Variants in MEGF8 observed in about 807,000 individuals in gnomAD.
The protein encoded by MEGF8 is multiple epidermal growth factor-like domains protein 8.
A neutral mutation model predicts 302.9 loss-of-function variants in MEGF8; 156 were observed. That is an observed-to-expected ratio of 0.52 (90% CI 0.45 to 0.59). The LOEUF is 0.59. Ranked by LOEUF, MEGF8 falls within the 20% of genes least tolerant of loss-of-function variation. The probability of loss-of-function intolerance (pLI) is 0.00; values close to 1 mark genes in which losing one functional copy is unlikely to be tolerated. For missense variants in MEGF8, 3,345 were observed against 3,964.5 expected, an observed-to-expected ratio of 0.84 and a Z score of 4.20; for synonymous variants, 1,621 against 1,660.5, an observed-to-expected ratio of 0.98 and a Z score of 0.58.
At position 42,351,935 on chromosome 19, in the gene MEGF8, T is replaced by G. The variant is rs1175033840; in HGVS notation, c.3101+174T>G. Among the ~76,000 whole-genome samples, 1 of 152,200 alleles carries G rather than the reference T, an allele frequency of 6.6e-6. No individual in the cohort carries two copies. The highest frequency in any genetic ancestry group is 2.4e-5 in the African/African-American group (1 of 41,454). ...CCCTCCCGCTCTTTTTTCTCCATTT[T>G]TCCTCCTTTTCCGGCTCTCTGCGAT... On this transcript the variant is annotated intron_variant, in intron 18 of 41. Transcript: ENST00000251268. This position sits in a 1 kb window ranked among gnomAD's most constrained non-coding sequence, Gnocchi z 5.6.
chr19:42,348,296 A>G lies in MEGF8; in HGVS notation c.2122A>G (p.Ile708Val). ...DKVSIVRSTTITLTPSAETDV... is the reference protein window; with the variant it reads ...DKVSIVRSTTVTLTPSAETDV... ...GGTCTCAATTGTCCGCAGCACGACC[A>G]TCACCCTAACACCCAGCGCAGAGAC... is the stretch of plus-strand genomic sequence containing the variant. The change falls in exon 13 of 42, where the codon ATC becomes GTC. Residue 708 changes from isoleucine to valine, a missense_variant. Coordinates refer to ENST00000251268, the MANE Select transcript of MEGF8 (RefSeq NM_001271938.2). 5 of 1,537,534 alleles carry G rather than the reference A, an allele frequency of 3.3e-6. No homozygotes were observed. The highest frequency in any genetic ancestry group is 4.9e-5 in the East Asian group (2 of 40,924).
intron 1 of MEGF8, among the ~76,000 whole-genome samples, chr19:42,326,994 T>C (rs1468997990): frequency 6.6e-6 from 1 of 152,134 alleles, no homozygotes. Context: ...TGTGAGCCAC[T>C]GTGCCTGGCT....
chr19:42,351,415 G>A lies in MEGF8; in HGVS notation c.2856-14G>A, dbSNP rs1172317410. On this transcript the variant is annotated splice_polypyrimidine_tract_variant and intron_variant, in intron 16 of 41. Transcript: ENST00000251268. This position sits in a 1 kb window ranked among gnomAD's most constrained non-coding sequence, Gnocchi z 5.6. ...TGGCTGTGGAGTGACCTGGCCCCCT[G>A]CTCCCCACCCCAGGCGACTGACCTG... 8.2e-6 allele frequency: 13 copies of A among 1,587,628 alleles called. No individual in the cohort carries two copies. The highest frequency in any genetic ancestry group is 1.1e-5 in the Non-Finnish European group (13 of 1,167,532).
At chr19:42,370,992 G>A (rs1238363809) in intron 40 of MEGF8, among the ~76,000 whole-genome samples, 161 bp downstream of exon 40, 1 of 150,432 alleles carries the variant, frequency 6.6e-6, no homozygotes, top group African/African-American at 2.4e-5. Flanking sequence ...TGGGGTCAGG[G>A]TAGGGAAGGA....
In MEGF8 at chr19:42,329,198, G is replaced by A. The variant is rs145185103; in HGVS notation, c.187+2768G>A. Among the ~76,000 whole-genome samples the A allele has an allele frequency of 4.7e-3, 717 of 152,258 alleles. 1 individual carries two copies. The highest frequency in any genetic ancestry group is 7.2e-3 in the Non-Finnish European group (487 of 68,018). ...AATGAGAGCCAGAAGCAGGGGAAGAGGGGCCTTGAATGTCACACTGAGCAG... is the reference window on the plus strand; with the variant it reads ...AATGAGAGCCAGAAGCAGGGGAAGAAGGGCCTTGAATGTCACACTGAGCAG... On this transcript the variant is annotated intron_variant, in intron 1 of 41. Transcript: ENST00000251268.
At chr19:42,372,969 A>T (rs1170132688) in intron 41 of MEGF8, among the ~76,000 whole-genome samples, 1 of 150,602 alleles carries the variant, frequency 6.6e-6, no homozygotes, top group Non-Finnish European at 1.5e-5. Context: ...CACCACACCC[A>T]GCCCAGAGTT....
Position 42,350,400 on chromosome 19 carries a change from C to T in MEGF8, c.2736+16C>T, listed in dbSNP as rs1228809023. 4 of 1,495,210 alleles carry T rather than the reference C, an allele frequency of 2.7e-6. No homozygotes were observed. In the South Asian group the frequency reaches 5.1e-5, roughly 19 times the overall value. 92.6% of individuals were successfully genotyped at this position (1,495,210 alleles called of 1,614,324 possible). ...CTGCACCCAGGTGCCTGTGGGGCCA[C>T]CAGGGGAGGTCACAAGGTGGAGGGA... On this transcript the variant is annotated intron_variant, in intron 15 of 41. Transcript: ENST00000251268.
Position 42,353,592 on chromosome 19 carries a change from C to T in MEGF8, c.3678C>T (p.Asn1226=). 1.3e-6 allele frequency: 2 copies of T among 1,595,084 alleles called. 1 individual carries two copies. The highest frequency in any genetic ancestry group is 2.3e-5 in the South Asian group (2 of 88,618). ...HGDPRRGHCD[N]LSGLCFCQDH... is the part of the protein sequence containing the mutation. ...ACCCACGCCGTGGCCACTGCGACAA[C>T]CTCAGTGGGCTCTGCTTCTGCCAGG... The change falls in exon 21 of 42, where the codon AAC becomes AAT. Residue 1226 remains asparagine (N), a synonymous_variant. Coordinates refer to ENST00000251268, the MANE Select transcript of MEGF8 (RefSeq NM_001271938.2). The surrounding 1 kb of genome is among the most constrained non-coding windows in gnomAD (Gnocchi z 6.1).
chr19:42,340,722 C>T (rs368092733), intron 8 of MEGF8, among the ~76,000 whole-genome samples: 1 of 151,992 alleles, frequency 6.6e-6, no homozygotes, highest in Non-Finnish European at 1.5e-5. Flanking sequence ...GGCTGGAGTG[C>T]GGTAGCATAG....
rs565238812 is a variant in MEGF8, at chr19:42,376,178, C to T, written c.7941C>T (p.Asp2647=). The T allele has an allele frequency of 1.1e-5, 18 of 1,611,002 alleles. No homozygotes were observed. In the South Asian group the frequency reaches 1.6e-4, roughly 15 times the overall value. Residue 2647 remains aspartate (D), a synonymous_variant, in exon 42 of 42, where the codon GAC becomes GAT. Transcript: ENST00000251268. This position sits in a 1 kb window ranked among gnomAD's most constrained non-coding sequence, Gnocchi z 8.2. The part of the protein sequence containing the change: ...LFFRQDQAHI[D]LFVFFSVFFS... ...TCCGGCAGGACCAGGCCCACATTGACCTGTTTGTCTTCTTCTCCGTCTTCT... is the reference window on the plus strand; with the variant it reads ...TCCGGCAGGACCAGGCCCACATTGATCTGTTTGTCTTCTTCTCCGTCTTCT...
In MEGF8 at chr19:42,330,937, C is replaced by T. The variant is rs188227310; in HGVS notation, c.188-2668C>T. On this transcript the variant is annotated intron_variant, in intron 1 of 41. Transcript: ENST00000251268. ...AGCAGTGGGGTGATTTGAGACAAAG[C>T]GAGGGTCTGAACAGCAGGTTAGGGA... 1.4e-3 allele frequency among the ~76,000 whole-genome samples: 206 copies of T among 152,204 alleles called. 1 individual carries two copies. The highest frequency in any genetic ancestry group is 2.4e-3 in the Non-Finnish European group (166 of 68,020).
At position 42,354,569 on chromosome 19, in the gene MEGF8, C is replaced by T. The variant is rs532096375; in HGVS notation, c.4012-19C>T. On this transcript the variant is annotated intron_variant, in intron 22 of 41. Transcript: ENST00000251268. The surrounding 1 kb of genome is among the most constrained non-coding windows in gnomAD (Gnocchi z 4.3). ...CTCATCCTCATTGTCTCCTAATCCT[C>T]GATTCTGCACCCCTCTAGCTGAGCT... 5.6e-6 allele frequency: 9 copies of T among 1,601,318 alleles called. No homozygotes were observed. The highest frequency in any genetic ancestry group is 2.2e-5 in the East Asian group (1 of 44,592).
chr19:42,369,017 G>T lies in MEGF8; in HGVS notation c.6641+15G>T. 1 of 1,611,866 alleles carries T rather than the reference G, an allele frequency of 6.2e-7. No individual in the cohort carries two copies. On this transcript the variant is annotated intron_variant, in intron 37 of 41. Coordinates refer to ENST00000251268, the MANE Select transcript of MEGF8 (RefSeq NM_001271938.2). The surrounding 1 kb of genome is among the most constrained non-coding windows in gnomAD (Gnocchi z 5.7). ...ACCATGGACAAGTGAGGCCGCAGGCGGCGCTGGGGCCAGGCAGGCTAGGGT... is the reference window on the plus strand; with the variant it reads ...ACCATGGACAAGTGAGGCCGCAGGCTGCGCTGGGGCCAGGCAGGCTAGGGT...
At chr19:42,363,629 CT>C (rs905575714) in intron 35 of MEGF8, among the ~76,000 whole-genome samples, 1 of 152,146 alleles carries the variant, frequency 6.6e-6, no homozygotes, top group African/African-American at 2.4e-5. Context: ...ACATCCACGA[CT>C]CTTAATGCTT....
chr19:42,369,137 C>G lies in MEGF8; in HGVS notation c.6641+135C>G. 8.3e-7 allele frequency: 1 copy of G among 1,211,440 alleles called. No homozygotes were observed. Among genetic ancestry groups the G allele is most frequent in the Non-Finnish European group, 1.1e-6 (1 of 885,864 alleles). 75.0% of individuals were successfully genotyped at this position (1,211,440 alleles called of 1,614,324 possible). A position where few individuals can be genotyped will look rare whatever the true frequency, so the allele number is the denominator to read the frequency against. On this transcript the variant is annotated intron_variant, in intron 37 of 41. Coordinates refer to ENST00000251268, the MANE Select transcript of MEGF8 (RefSeq NM_001271938.2). This position sits in a 1 kb window ranked among gnomAD's most constrained non-coding sequence, Gnocchi z 5.7. Reference sequence around the variant, plus strand: ...AGGCATGAAGGCAGTGGGATTGATTCCTGAAGGTCAAGAGTGGTGAGGCTG... The same window carrying G: ...AGGCATGAAGGCAGTGGGATTGATTGCTGAAGGTCAAGAGTGGTGAGGCTG...
chr19:42,359,019 G>C (rs1314942229), intron 30 of MEGF8, 65 bp downstream of exon 30: 35 of 1,560,530 alleles, frequency 2.2e-5, no homozygotes, highest in African/African-American at 2.7e-5. Context: ...GAAGTACAGG[G>C]GTGGCTGGAG....
Position 42,339,948 on chromosome 19 carries a change from C to T in MEGF8, c.1513+2742C>T, listed in dbSNP as rs565708671. Among the ~76,000 whole-genome samples the T allele has an allele frequency of 2.0e-5, 3 of 152,288 alleles. No homozygotes were observed. The South Asian group carries it at 6.2e-4, about 32-fold the overall frequency. ...TGGCATGCGCCTGTAGTCCCAGCTA[C>T]TCAGGAGACTGAGGCAGGAGAATTG... On this transcript the variant is annotated intron_variant, in intron 8 of 41. Transcript: ENST00000251268.
Position 42,375,447 on chromosome 19 carries a change from G to C in MEGF8, c.7270-60G>C. ...TATAGAGTATTCGTCACTGCTGCTT[G>C]GGGGACAGGCTGGCACCGCACTCAG... On this transcript the variant is annotated intron_variant, in intron 41 of 41. Coordinates refer to ENST00000251268, the MANE Select transcript of MEGF8 (RefSeq NM_001271938.2). The surrounding 1 kb of genome is among the most constrained non-coding windows in gnomAD (Gnocchi z 7.1). The C allele has an allele frequency of 6.8e-7, 1 of 1,464,074 alleles. No homozygotes were observed. The highest frequency in any genetic ancestry group is 1.4e-5 in the African/African-American group (1 of 70,702). 90.7% of individuals were successfully genotyped at this position (1,464,074 alleles called of 1,614,324 possible). A position where few individuals can be genotyped will look rare whatever the true frequency, so the allele number is the denominator to read the frequency against.
chr19:42,343,987 C>T lies in MEGF8; in HGVS notation c.1702C>T (p.His568Tyr), dbSNP rs369202655. Residue 568 changes from histidine (H) to tyrosine (Y), a missense_variant, in exon 10 of 42, where the codon CAC becomes TAC. Transcript: ENST00000251268. ...GGACTACTGCTCCATGTACACAGACCACAGCGTCTGCTCCCGGGACCCGGA... is the reference window on the plus strand; with the variant it reads ...GGACTACTGCTCCATGTACACAGACTACAGCGTCTGCTCCCGGGACCCGGA... ...HLDYCSMYTD[H>Y]SVCSRDPECS... is the part of the protein sequence containing the mutation. 4 of 1,613,704 alleles carry T rather than the reference C, an allele frequency of 2.5e-6. No homozygotes were observed. Among genetic ancestry groups the T allele is most frequent in the African/African-American group, 2.7e-5 (2 of 74,894 alleles).
Sources: allele counts gnomAD v4.1 joint callset (sites outside exome capture counted in the v4.1 genomes callset), GRCh38; gene constraint gnomAD v4.1.1; non-coding constraint Gnocchi (gnomAD v3.1); transcripts MANE v1.5; gene names NCBI Gene and HGNC (gene_info 2026-07-23, HGNC 2026-07-21).